The following SMC2 variants were observed in gnomAD, a reference collection of about 807,000 sequenced individuals.
SMC2 encodes structural maintenance of chromosomes 2, also known as structural maintenance of chromosomes protein 2.
Under a neutral mutation model 142.6 loss-of-function variants are expected in SMC2, and 41 were observed. The ratio of observed to expected loss-of-function variants is 0.29; its 90% CI spans 0.22 to 0.37. The LOEUF (loss-of-function observed/expected upper bound fraction) is 0.37. Ranked by LOEUF, SMC2 falls within the 10% of genes least tolerant of loss-of-function variation. SMC2 has a pLI of 1.00. For missense variants in SMC2, 1,265 were observed against 1,373.7 expected (o/e 0.92, Z 1.25); for synonymous variants, 463 against 457.5 (o/e 1.01, Z -0.15).
In SMC2 at chr9:104,123,248, T is replaced by A. The variant is rs1833921832; in HGVS notation, c.2257+16T>A. 6.2e-7 allele frequency: 1 copy of A among 1,608,186 alleles called. No homozygotes were observed. Among genetic ancestry groups the A allele is most frequent in the South Asian group, 1.1e-5 (1 of 90,082 alleles). On this transcript the variant is annotated intron_variant, in intron 17 of 24. Coordinates refer to ENST00000374793, the MANE Select transcript of SMC2 (RefSeq NM_006444.3). ...AAAACCATTGGTAAGATGAAAACAG[T>A]CCATGCTTAATCTCTGGTTTTATTC...
At chr9:104,113,166 T>C (rs1019882766) in intron 10 of SMC2, 150 bp from the exon 11 acceptor site, 8 of 502,418 alleles carry the variant, frequency 1.6e-5, no homozygotes, top group African/African-American at 1.4e-4. Flanking sequence ...GGGAAATGAC[T>C]AATTTGTTGA....
Position 104,102,111 on chromosome 9 carries a change from T to G in SMC2, c.788T>G (p.Leu263Arg), listed in dbSNP as rs1831206391. 6.2e-7 allele frequency: 1 copy of G among 1,603,532 alleles called. No homozygotes were observed. Among genetic ancestry groups the G allele is most frequent in the African/African-American group, 1.3e-5 (1 of 74,692 alleles). Reference sequence around the variant, plus strand: ...GAAATGCAAGATAAAGTTATAAAGCTTCAGGAAGAATTGTCTGAGAATGAT... The same window carrying G: ...GAAATGCAAGATAAAGTTATAAAGCGTCAGGAAGAATTGTCTGAGAATGAT... Reference protein sequence around the residue: ...LKEMQDKVIKLQEELSENDKK... With the variant: ...LKEMQDKVIKRQEELSENDKK... The change falls in exon 8 of 25, where the codon CTT (leucine) becomes CGT (arginine). Residue 263 changes from leucine to arginine, a missense_variant. Physicochemically the swap from Leu to Arg is moderately radical, Grantham distance 102 (BLOSUM62 -2). Transcript: ENST00000374793.
chr9:104,133,149 A>G (rs1374093502), intron 22 of SMC2, among the ~76,000 whole-genome samples: 1 of 152,098 alleles, frequency 6.6e-6, no homozygotes, highest in Non-Finnish European at 1.5e-5. Context: ...TGTTTTCTTC[A>G]TAGCCTCATT....
chr9:104,120,262 A>ATATT, intron 16 of SMC2, 100 bp downstream of exon 16: 1 of 1,145,310 alleles, frequency 8.7e-7, no homozygotes, highest in Non-Finnish European at 1.2e-6. Flanking sequence ...GACTTTTCTC[A>ATATT]TATTTTTGGT....
chr9:104,111,166 A>G (rs946795889), intron 9 of SMC2, among the ~76,000 whole-genome samples: 5 of 152,182 alleles, frequency 3.3e-5, no homozygotes, highest in Admixed American at 1.3e-4. Flanking sequence ...TTAATGCTCA[A>G]ATTTTATGGC....
At chr9:104,117,621 A>C (rs2131427541) in intron 14 of SMC2, among the ~76,000 whole-genome samples, 1 of 152,314 alleles carries the variant, frequency 6.6e-6, no homozygotes, top group African/African-American at 2.4e-5. Flanking sequence ...CTGATTATTG[A>C]AACAACATTT....
intron 16 of SMC2, among the ~76,000 whole-genome samples, chr9:104,120,691 G>C (rs997860194): frequency 6.6e-6 from 1 of 152,120 alleles, no homozygotes; most frequent in Non-Finnish European, 1.5e-5. Flanking sequence ...CTTCTGTGTA[G>C]GTATGGATAA....
rs1340444872 is a variant in SMC2, at chr9:104,120,128, G to A, written c.2098G>A (p.Glu700Lys). The stretch of plus-strand genomic sequence containing the variant: ...AGAGAATGAGCTGCGGGCTCTAGAA[G>A]AGGAATTAGCAGGTCTTAAAAACAC... ...IKENELRALEEELAGLKNTAE... is the reference protein window; with the variant it reads ...IKENELRALEKELAGLKNTAE... Residue 700 changes from glutamate (E) to lysine (K), a missense_variant, in exon 16 of 25, where the codon GAG becomes AAG. Physicochemically the swap from Glu to Lys is moderately conservative, Grantham distance 56. Coordinates refer to ENST00000374793, the MANE Select transcript of SMC2 (RefSeq NM_006444.3). 5.6e-6 allele frequency: 9 copies of A among 1,613,358 alleles called. No individual in the cohort carries two copies. The Admixed American group carries it at 6.7e-5, about 12-fold the overall frequency.
At chr9:104,117,687 T>C (rs1266083445) in intron 14 of SMC2, among the ~76,000 whole-genome samples, 1 of 152,220 alleles carries the variant, frequency 6.6e-6, no homozygotes, top group East Asian at 1.9e-4. Context: ...GTCCAACAAC[T>C]GAAATTTTCC....
chr9:104,115,822 A>C (rs1220835235), intron 13 of SMC2, among the ~76,000 whole-genome samples: 2 of 152,098 alleles, frequency 1.3e-5, no homozygotes, highest in Non-Finnish European at 2.9e-5. Context: ...CCAACTGCAA[A>C]TATGTACCCT....
intron 9 of SMC2, among the ~76,000 whole-genome samples, chr9:104,107,714 C>A (rs1471466691): frequency 2.0e-5 from 3 of 152,210 alleles, no homozygotes; most frequent in Non-Finnish European, 4.4e-5. Context: ...GCTTTCTGTC[C>A]AAGTGACCTT....
rs1479141994 is a variant in SMC2 at position 104,120,072 on chromosome 9, T to G, written c.2042T>G (p.Leu681Arg). The change falls in exon 16 of 25, where the codon CTC becomes CGC. Residue 681 changes from leucine (L) to arginine (R), a missense_variant. Around this residue, in one of 4 missense-constraint regions of SMC2, gnomAD observed 898 missense variants for 904.2 expected, o/e 0.99. Coordinates refer to ENST00000374793, the MANE Select transcript of SMC2 (RefSeq NM_006444.3). Reference protein sequence around the residue: ...AASILTKFQELKDVQDELRIK... With the variant: ...AASILTKFQERKDVQDELRIK... The stretch of plus-strand genomic sequence containing the variant: ...TCCATTTTAACCAAGTTTCAAGAAC[T>G]CAAAGATGTTCAGGATGAACTGAGA... The G allele has an allele frequency of 6.2e-7, 1 of 1,613,906 alleles. No individual in the cohort carries two copies. Among genetic ancestry groups the G allele is most frequent in the African/African-American group, 1.3e-5 (1 of 75,014 alleles).
At chr9:104,128,120 C>A (rs1834520350) in intron 20 of SMC2, among the ~76,000 whole-genome samples, 1 of 152,068 alleles carries the variant, frequency 6.6e-6, no homozygotes, top group South Asian at 2.1e-4. Context: ...AGCATGTTTT[C>A]TTATGAGTGT....
chr9:104,094,740 A>G, intron 1 of SMC2: 3 of 279,620 alleles, frequency 1.1e-5, no homozygotes, highest in Non-Finnish European at 1.3e-5. Context: ...TCTCATCTCT[A>G]GTAAATACTT....
chr9:104,097,764 G>T (rs1169506023), intron 3 of SMC2, among the ~76,000 whole-genome samples: 1 of 152,120 alleles, frequency 6.6e-6, no homozygotes, highest in Non-Finnish European at 1.5e-5. Context: ...GAAAAGAAAT[G>T]AACTAACATT....
chr9:104,122,676 G>C (rs569870168), intron 16 of SMC2, among the ~76,000 whole-genome samples: 1 of 152,090 alleles, frequency 6.6e-6, no homozygotes, highest in Non-Finnish European at 1.5e-5. Flanking sequence ...TACACTAAAA[G>C]TAGGGAACAT....
chr9:104,098,583 G>C lies in SMC2; in HGVS notation c.441+15G>C, dbSNP rs993447417. 2 of 1,578,144 alleles carry C rather than the reference G, an allele frequency of 1.3e-6. No individual in the cohort carries two copies. Among genetic ancestry groups the C allele is most frequent in the African/African-American group, 2.8e-5 (2 of 72,314 alleles). ...TCATCATGCAGGTATTTCGTTTGAG[G>C]TCTTTATATCACTTTCGTAATAGTT... On this transcript the variant is annotated intron_variant, in intron 4 of 24. Transcript: ENST00000374793.
intron 24 of SMC2, 81 bp from the exon 25 acceptor site, chr9:104,139,058 C>A: frequency 1.2e-6 from 1 of 818,596 alleles, no homozygotes; most frequent in Non-Finnish European, 1.8e-6. Flanking sequence ...ATCTCCAAAC[C>A]ATTCTTATCA....
chr9:104,113,246 C>A, intron 10 of SMC2, 70 bp from the exon 11 acceptor site: 2 of 1,186,100 alleles, frequency 1.7e-6, no homozygotes, highest in Non-Finnish European at 1.2e-6. Flanking sequence ...CAATCTGAAT[C>A]TTCGGCCATT....
Sources: gnomAD v4.1 joint callset for allele counts (sites outside exome capture counted in the v4.1 genomes callset) on GRCh38, gnomAD v4.1.1 for gene constraint, gnomAD v4.1.1 regional missense constraint, MANE v1.5 for transcripts, NCBI Gene and HGNC (gene_info 2026-07-23, HGNC 2026-07-21) for gene names.